ACYP2: variants seen among roughly 807,000 people sequenced by gnomAD.
ACYP2 encodes the protein acylphosphatase 2.
Under a neutral mutation model 11.2 loss-of-function variants are expected in ACYP2, and 12 were observed. The ratio of observed to expected loss-of-function variants is 1.08; its 90% CI spans 0.69 to 1.74. ACYP2 has a LOEUF of 1.74. Ranked by LOEUF, ACYP2 falls within the 40% of genes most tolerant of loss-of-function variation. The pLI is 0.00. For synonymous variants in ACYP2, 43 were observed against 32.2 expected, an observed-to-expected ratio of 1.33 and a Z score of -1.13; for missense variants, 134 against 101.9, an observed-to-expected ratio of 1.31 and a Z score of -1.35.
chr2:54,091,031 T>C lies in ACYP2; in HGVS notation c.277+33671T>C, dbSNP rs78983191. On this transcript the variant is annotated intron_variant, in intron 4 of 6. Transcript: ENST00000607452. ...TTGTTGATTGATTTAAAATACATTTTTCTATTTTTAAAATAGGCAGAGAAG... is the reference window on the plus strand; with the variant it reads ...TTGTTGATTGATTTAAAATACATTTCTCTATTTTTAAAATAGGCAGAGAAG... Among the ~76,000 whole-genome samples, 1,512 of 152,356 alleles carry C rather than the reference T, an allele frequency of 9.9e-3. 34 individuals are homozygous for C. Among genetic ancestry groups the C allele is most frequent in the African/African-American group, 0.034 (1,426 of 41,574 alleles).
chr2:54,043,722 A>T (rs1441598130), intron 2 of ACYP2, among the ~76,000 whole-genome samples: 1 of 152,184 alleles, frequency 6.6e-6, no homozygotes, highest in Non-Finnish European at 1.5e-5. Flanking sequence ...CATGCTGGTT[A>T]CTTATATGTA....
chr2:54,074,577 T>TG (rs1677226743), intron 4 of ACYP2, among the ~76,000 whole-genome samples: 1 of 120,050 alleles, frequency 8.3e-6, no homozygotes, highest in Non-Finnish European at 1.7e-5. Context: ...TAGAACAGAA[T>TG]TTGTGTGTGT....
intron 6 of ACYP2, among the ~76,000 whole-genome samples, chr2:54,276,619 T>TCACA (rs3071186): frequency 0.23 from 33,836 of 145,766 alleles, 4,124 homozygotes; most frequent in Admixed American, 0.28. Context: ...GATTGTTCTT[T>TCACA]CACACACACA....
intron 6 of ACYP2, among the ~76,000 whole-genome samples, chr2:54,242,563 C>T (rs1406894568): frequency 4.6e-5 from 7 of 152,134 alleles, no homozygotes; most frequent in East Asian, 3.8e-4. Flanking sequence ...TTTTGATCAA[C>T]GATGAACTGC....
At chr2:54,234,441 A>G (rs1686384972) in intron 6 of ACYP2, among the ~76,000 whole-genome samples, 1 of 152,178 alleles carries the variant, frequency 6.6e-6, no homozygotes, top group African/African-American at 2.4e-5. Flanking sequence ...TCTCTTTACA[A>G]TTCTTTGAAG....
At chr2:54,206,922 C>T (rs963494911) in intron 6 of ACYP2, among the ~76,000 whole-genome samples, 61 of 151,918 alleles carry the variant, frequency 4.0e-4, no homozygotes, top group Admixed American at 6.6e-5. Flanking sequence ...ATAAAATTTA[C>T]ATAATATTAG....
chr2:54,043,856 G>T lies in ACYP2; in HGVS notation c.63-7102G>T, dbSNP rs763060173. Reference sequence around the variant, plus strand: ...TAAATCCTAAAGTGTGAAGAGTCTCGGCTGGGGGCTAGCTGTGATTCCTCC... The same window carrying T: ...TAAATCCTAAAGTGTGAAGAGTCTCTGCTGGGGGCTAGCTGTGATTCCTCC... On this transcript the variant is annotated intron_variant, in intron 2 of 6. Transcript: ENST00000607452. Among the ~76,000 whole-genome samples, 4 of 152,184 alleles carry T rather than the reference G, an allele frequency of 2.6e-5. No individual in the cohort carries two copies. In the South Asian group the frequency reaches 8.3e-4, roughly 32 times the overall value.
chr2:54,107,473 G>A (rs1050023710), intron 4 of ACYP2, among the ~76,000 whole-genome samples: 7 of 152,084 alleles, frequency 4.6e-5, no homozygotes, highest in Non-Finnish European at 8.8e-5. Context: ...TGGCATATTT[G>A]AACTTTCATT....
intron 6 of ACYP2, among the ~76,000 whole-genome samples, chr2:54,300,120 C>G (rs1249531115): frequency 6.6e-6 from 1 of 152,228 alleles, no homozygotes; most frequent in Non-Finnish European, 1.5e-5. Context: ...CCACTGTCTT[C>G]TCTTCCATAC....
intron 6 of ACYP2, among the ~76,000 whole-genome samples, chr2:54,269,186 G>A (rs1016397807): frequency 4.6e-5 from 7 of 152,154 alleles, no homozygotes; most frequent in African/African-American, 1.4e-4. Context: ...GGCCTTAAGC[G>A]ATTATTCCAG....
chr2:54,254,849 T>C, intron 6 of ACYP2: 1 of 1,474,350 alleles, frequency 6.8e-7, no homozygotes. Context: ...TACCTAATGC[T>C]GTTGCCCAAG....
chr2:54,268,356 T>C (rs1319514744), intron 6 of ACYP2, among the ~76,000 whole-genome samples: 2 of 152,218 alleles, frequency 1.3e-5, no homozygotes, highest in Admixed American at 6.5e-5. Context: ...AAATACAGTT[T>C]ACTTAGGTGT....
At chr2:53,993,466 G>T (rs187623299) in intron 2 of ACYP2, among the ~76,000 whole-genome samples, 92 of 152,240 alleles carry the variant, frequency 6.0e-4, no homozygotes, top group South Asian at 2.5e-3. Flanking sequence ...CCAGCGCTCT[G>T]GTGGGCAGAT....
At chr2:54,095,844 A>C (rs1453522051) in intron 4 of ACYP2, among the ~76,000 whole-genome samples, 33 of 48,648 alleles carry the variant, frequency 6.8e-4, no homozygotes, top group Non-Finnish European at 9.0e-4. Flanking sequence ...GGGGCTCCTC[A>C]CTTCCCAGTA....
intron 4 of ACYP2, among the ~76,000 whole-genome samples, chr2:54,106,745 G>A (rs1451008472): frequency 6.6e-6 from 1 of 152,000 alleles, no homozygotes; most frequent in Non-Finnish European, 1.5e-5. Flanking sequence ...CACCAAGCCC[G>A]GCTAATTTTT....
In ACYP2 at chr2:54,304,720, G is replaced by C. The variant is rs1473523298; in HGVS notation, c.437G>C (p.Ser146Thr). ...TGGCTGAGCAAGGTTGGAAGCCCTAGTTCTCGCATTGACCGCACAAACTTT... is the reference window on the plus strand; with the variant it reads ...TGGCTGAGCAAGGTTGGAAGCCCTACTTCTCGCATTGACCGCACAAACTTT... Residue 146 changes from serine to threonine, a missense_variant, in exon 7 of 7, where the codon AGT (serine) becomes ACT (threonine). Physicochemically the swap from Ser to Thr is moderately conservative, Grantham distance 58. Transcript: ENST00000607452. The C allele has an allele frequency of 1.9e-6, 3 of 1,611,966 alleles. No individual in the cohort carries two copies. The East Asian group carries it at 6.7e-5, about 36-fold the overall frequency.
chr2:54,142,954 T>C (rs1009577569), intron 6 of ACYP2: 5 of 152,352 alleles, frequency 3.3e-5, no homozygotes, highest in African/African-American at 1.2e-4. Context: ...CCATTTATGC[T>C]TCTAGTTGTT....
At chr2:54,068,785 G>A (rs1676872584) in intron 4 of ACYP2, among the ~76,000 whole-genome samples, 1 of 152,098 alleles carries the variant, frequency 6.6e-6, no homozygotes, top group Admixed American at 6.5e-5. Context: ...GTTTGAGAAG[G>A]AGGCTGCATT....
At chr2:54,029,884 C>G in intron 2 of ACYP2, 1 of 259,080 alleles carries the variant, frequency 3.9e-6, no homozygotes, top group Non-Finnish European at 7.3e-6. Context: ...CAGAACCAAG[C>G]CGGGTCCGGC....
Sources: allele counts gnomAD v4.1 joint callset (sites outside exome capture counted in the v4.1 genomes callset), GRCh38; gene constraint gnomAD v4.1.1; transcripts MANE v1.5; gene names NCBI Gene and HGNC (gene_info 2026-07-23, HGNC 2026-07-21).